Variants in KCNQ3 observed in about 807,000 individuals in gnomAD.
The protein encoded by KCNQ3 is potassium voltage-gated channel subfamily KQT member 3.
In KCNQ3, 30 loss-of-function variants were observed where a neutral mutation model predicts 92.5. The observed-to-expected ratio is 0.32, with a 90% CI of 0.24 to 0.44. KCNQ3 has a LOEUF of 0.44. Ranked by LOEUF, KCNQ3 falls within the 20% of genes least tolerant of loss-of-function variation. The pLI, the probability that KCNQ3 is intolerant of heterozygous loss-of-function variation, is 1.00. For synonymous variants in KCNQ3, 450 were observed against 468.8 expected (o/e 0.96, Z 0.52); for missense variants, 913 against 1,140.3 (o/e 0.80, Z 2.87).
rs1177855426 is a variant in KCNQ3, at chr8:132,259,783, TA to T, written c.387-73603del. 4.6e-5 allele frequency among the ~76,000 whole-genome samples: 7 copies of T among 152,232 alleles called. No individual in the cohort carries two copies. The East Asian group carries it at 1.3e-3, about 29-fold the overall frequency. On this transcript the variant is annotated intron_variant, in intron 1 of 14. Coordinates refer to ENST00000388996, the MANE Select transcript of KCNQ3 (RefSeq NM_004519.4). ...GAAGTCACTAAAAAACTATTAGAAC[TA>T]ATAAAACAGTTTAGTAAAGTTACAA...
chr8:132,222,658 G>A (rs1202820869), intron 1 of KCNQ3, among the ~76,000 whole-genome samples: 2 of 152,214 alleles, frequency 1.3e-5, no homozygotes, highest in Non-Finnish European at 2.9e-5. Context: ...CAGGCTGGAA[G>A]AGAAAGCCAA....
chr8:132,303,771 C>A (rs1817327385), intron 1 of KCNQ3, among the ~76,000 whole-genome samples: 1 of 145,798 alleles, frequency 6.9e-6, no homozygotes, highest in African/African-American at 2.5e-5. Flanking sequence ...ATCAGCCTCC[C>A]ATAAAATATT....
chr8:132,240,405 G>C (rs1208035646), intron 1 of KCNQ3, among the ~76,000 whole-genome samples: 1 of 152,012 alleles, frequency 6.6e-6, no homozygotes, highest in African/African-American at 2.4e-5. Flanking sequence ...AGGGTGGTCT[G>C]GAACTCCTGA....
intron 1 of KCNQ3, among the ~76,000 whole-genome samples, chr8:132,443,283 G>A (rs10086366): frequency 0.21 from 31,034 of 151,266 alleles, 3,416 homozygotes; most frequent in African/African-American, 0.24. Flanking sequence ...AATTAGAGCC[G>A]GTGGCCCAGG....
chr8:132,197,005 T>C (rs1827319333), intron 1 of KCNQ3, among the ~76,000 whole-genome samples: 1 of 150,592 alleles, frequency 6.6e-6, no homozygotes. Flanking sequence ...TTCCACCATG[T>C]CTCATGGATT....
At chr8:132,204,258 C>T (rs936165506) in intron 1 of KCNQ3, among the ~76,000 whole-genome samples, 3 of 152,250 alleles carry the variant, frequency 2.0e-5, no homozygotes, top group African/African-American at 7.2e-5. Context: ...GCATCTCCAA[C>T]ACCAGCAATG....
intron 1 of KCNQ3, among the ~76,000 whole-genome samples, chr8:132,370,391 G>T (rs192037992): frequency 3.3e-5 from 5 of 152,338 alleles, no homozygotes; most frequent in Non-Finnish European, 7.3e-5. Flanking sequence ...ATGATTAAGG[G>T]TATCCTGTAA....
At chr8:132,358,997 C>G (rs1385277670) in intron 1 of KCNQ3, among the ~76,000 whole-genome samples, 1 of 152,202 alleles carries the variant, frequency 6.6e-6, no homozygotes, top group African/African-American at 2.4e-5. Context: ...AATTCTGCCT[C>G]CAATACTCTC....
chr8:132,325,317 T>G (rs1427706286), intron 1 of KCNQ3, among the ~76,000 whole-genome samples: 1 of 152,070 alleles, frequency 6.6e-6, no homozygotes, highest in Non-Finnish European at 1.5e-5. Context: ...CCGTCCAGGG[T>G]CTAATATAGG....
rs148147322 is a variant in KCNQ3 at position 132,463,110 on chromosome 8, T to C, written c.386+17037A>G. 4.4e-3 allele frequency among the ~76,000 whole-genome samples: 675 copies of C among 152,352 alleles called. 2 individuals carry two copies. The highest frequency in any genetic ancestry group is 0.016 in the African/African-American group (645 of 41,578). On this transcript the variant is annotated intron_variant, in intron 1 of 14. Coordinates refer to ENST00000388996, the MANE Select transcript of KCNQ3 (RefSeq NM_004519.4). ...AGACGACAATTTGGCCCACAACATG[T>C]TCACATCTATGAAAGAACCCAGACT... is the stretch of plus-strand genomic sequence containing the variant.
At chr8:132,212,103 G>C (rs1050550783) in intron 1 of KCNQ3, among the ~76,000 whole-genome samples, 1 of 152,212 alleles carries the variant, frequency 6.6e-6, no homozygotes, top group Non-Finnish European at 1.5e-5. Flanking sequence ...GCTACTTGCT[G>C]TAGTGCTAAA....
intron 1 of KCNQ3, among the ~76,000 whole-genome samples, chr8:132,285,138 G>A (rs926499081): frequency 8.5e-5 from 13 of 152,212 alleles, no homozygotes; most frequent in African/African-American, 2.9e-4. Flanking sequence ...ACCTGAAAAT[G>A]TGGAAGTGGC....
chr8:132,382,613 A>G (rs1001094822), intron 1 of KCNQ3, among the ~76,000 whole-genome samples: 3 of 152,184 alleles, frequency 2.0e-5, no homozygotes, highest in African/African-American at 2.4e-5. Flanking sequence ...AGGATTTTTA[A>G]CCAACTCACT....
At chr8:132,434,227 AT>A (rs1358355498) in intron 1 of KCNQ3, among the ~76,000 whole-genome samples, 2,613 of 148,708 alleles carry the variant, frequency 0.018, 30 homozygotes, top group Admixed American at 0.036. Flanking sequence ...AAAAAAAAAA[AT>A]AATAATAATA....
intron 1 of KCNQ3, among the ~76,000 whole-genome samples, chr8:132,294,650 A>T (rs956943518): frequency 6.6e-6 from 1 of 152,172 alleles, no homozygotes; most frequent in East Asian, 1.9e-4. Context: ...AGATGTGTAG[A>T]CTTAAGGCTG....
intron 1 of KCNQ3, among the ~76,000 whole-genome samples, chr8:132,258,395 A>T (rs1815663248): frequency 6.6e-6 from 1 of 152,164 alleles, no homozygotes; most frequent in East Asian, 1.9e-4. Flanking sequence ...ATAATAATAC[A>T]TTCCTAAATC....
At chr8:132,190,270 A>G (rs1451144886) in intron 1 of KCNQ3, among the ~76,000 whole-genome samples, 6 of 152,342 alleles carry the variant, frequency 3.9e-5, no homozygotes, top group African/African-American at 1.4e-4. Context: ...AGGCAGTTGC[A>G]TAATTGTCTT....
chr8:132,249,703 C>T (rs1033370380), intron 1 of KCNQ3, among the ~76,000 whole-genome samples: 2 of 152,174 alleles, frequency 1.3e-5, no homozygotes, highest in Non-Finnish European at 2.9e-5. Context: ...CACCGCAGAG[C>T]AGGGGGCGGT....
intron 1 of KCNQ3, among the ~76,000 whole-genome samples, chr8:132,258,670 G>A (rs1815673166): frequency 6.6e-6 from 1 of 151,898 alleles, no homozygotes; most frequent in Admixed American, 6.6e-5. Context: ...AGAAATAAAT[G>A]AAATAGAGAA....
Sources: gnomAD v4.1 joint callset for allele counts (sites outside exome capture counted in the v4.1 genomes callset) on GRCh38, gnomAD v4.1.1 for gene constraint, MANE v1.5 for transcripts, NCBI Gene and HGNC (gene_info 2026-07-23, HGNC 2026-07-21) for gene names.